Variants in TXLNB observed in about 807,000 individuals in gnomAD.
The protein encoded by TXLNB is beta-taxilin.
Under a neutral mutation model 57.4 loss-of-function variants are expected in TXLNB, and 37 were observed. The observed-to-expected ratio is 0.64, with a 90% CI of 0.50 to 0.85. The LOEUF (loss-of-function observed/expected upper bound fraction) is 0.85. TXLNB is among the 40% of genes least tolerant of loss of function. The pLI, the probability that TXLNB is intolerant of heterozygous loss-of-function variation, is 0.00. For synonymous variants in TXLNB, 302 were observed against 309.6 expected (o/e 0.98, Z 0.26); for missense variants, 848 against 825.6 (o/e 1.03, Z -0.33).
chr6:139,247,962 G>T, intron 7 of TXLNB, 53 bp from the exon 8 acceptor site: 1 of 1,065,384 alleles, frequency 9.4e-7, no homozygotes, highest in Non-Finnish European at 1.4e-6. Flanking sequence ...AAGAAAACAT[G>T]TCATTGTTCA....
chr6:139,273,876 C>T (rs1776828979), intron 3 of TXLNB, among the ~76,000 whole-genome samples: 1 of 152,178 alleles, frequency 6.6e-6, no homozygotes, highest in African/African-American at 2.4e-5. Context: ...GCATTGAAGA[C>T]AATGAAAAAT....
the TXLNB span, among the ~76,000 whole-genome samples, chr6:139,307,287 T>C: frequency 1.3e-5 from 2 of 152,192 alleles, no homozygotes; most frequent in East Asian, 3.8e-4. Context: ...GAACCTGGGC[T>C]CAAGCAATCC....
the TXLNB span, among the ~76,000 whole-genome samples, chr6:139,189,950 G>C: frequency 1.3e-5 from 2 of 152,138 alleles, no homozygotes; most frequent in African/African-American, 4.8e-5. Flanking sequence ...CCTACTATAG[G>C]GCTGTGCCCA....
At chr6:139,285,518 GT>G (rs1777152647) in intron 2 of TXLNB, among the ~76,000 whole-genome samples, 1 of 144,310 alleles carries the variant, frequency 6.9e-6, no homozygotes, top group African/African-American at 2.6e-5. Context: ...GTTTTTCCAT[GT>G]TCCAAAACAC....
chr6:139,323,556 T>C, the TXLNB span, among the ~76,000 whole-genome samples: 1 of 152,330 alleles, frequency 6.6e-6, no homozygotes, highest in Non-Finnish European at 1.5e-5. Flanking sequence ...GTGCTGGGAT[T>C]ACAGGCGTGA....
intron 9 of TXLNB, 34 bp downstream of exon 9, chr6:139,244,561 G>T: frequency 1.5e-6 from 2 of 1,356,300 alleles, no homozygotes; most frequent in Non-Finnish European, 2.1e-6. Flanking sequence ...TGACTAGACA[G>T]AGGGGATTAA....
chr6:139,172,126 C>T, the TXLNB span, among the ~76,000 whole-genome samples: 1 of 152,078 alleles, frequency 6.6e-6, no homozygotes, highest in African/African-American at 2.4e-5. Flanking sequence ...CCACTGCGCC[C>T]AGCCCTAAAC....
the TXLNB span, among the ~76,000 whole-genome samples, chr6:139,207,456 T>A: frequency 3.9e-5 from 6 of 152,260 alleles, no homozygotes; most frequent in East Asian, 9.6e-4. Flanking sequence ...ACACAACTTA[T>A]CAAAACCTCT....
At chr6:139,169,523 T>A in the TXLNB span, 5 of 152,254 alleles carry the variant, frequency 3.3e-5, no homozygotes, top group Admixed American at 1.3e-4. Flanking sequence ...ATTTTGAGAA[T>A]TGTACCTAAC....
chr6:139,296,092 C>G (rs1374697785), upstream of TXLNB, among the ~76,000 whole-genome samples: 1 of 152,180 alleles, frequency 6.6e-6, no homozygotes, highest in African/African-American at 2.4e-5. Context: ...AGCTGTGGTC[C>G]TGGCACTTCC....
At chr6:139,161,543 C>G in the TXLNB span, among the ~76,000 whole-genome samples, 1 of 152,158 alleles carries the variant, frequency 6.6e-6, no homozygotes, top group South Asian at 2.1e-4. Flanking sequence ...GCTCTTAGCT[C>G]AAGACCTGGC....
At position 139,288,818 on chromosome 6, in the gene TXLNB, T is replaced by A; in HGVS notation, c.82A>T (p.Asn28Tyr). 6.2e-7 allele frequency: 1 copy of A among 1,614,220 alleles called. No homozygotes were observed. The highest frequency in any genetic ancestry group is 8.5e-7 in the Non-Finnish European group (1 of 1,180,032). The change falls in exon 2 of 10, where the codon AAT becomes TAT. Residue 28 changes from asparagine (N) to tyrosine (Y), a missense_variant. Transcript: ENST00000358430. ...PGDSSSLPSH[N>Y]GLEKEDGQDS... ...TGGCCATCTTCCTTCTCCAGGCCAT[T>A]GTGACTGGGTAATGATGAACTGTCA...
intron 1 of TXLNB, among the ~76,000 whole-genome samples, chr6:139,289,463 G>A (rs1251527871): frequency 6.6e-6 from 1 of 152,166 alleles, no homozygotes; most frequent in Non-Finnish European, 1.5e-5. Flanking sequence ...GCTCCCGGCC[G>A]ATTAAACTGC....
chr6:139,260,219 C>CAAAT lies in TXLNB; in HGVS notation c.1002+95_1002+98dup, dbSNP rs542223338. 9,420 of 1,352,362 alleles carry CAAAT rather than the reference C, an allele frequency of 7.0e-3. 114 individuals carry two copies. Among genetic ancestry groups the CAAAT allele is most frequent in the African/African-American group, 0.05 (3,325 of 66,568 alleles). The allele number at this position is 1,352,362 out of a possible 1,614,324, so 83.8% of individuals were successfully genotyped here. A position where few individuals can be genotyped will look rare whatever the true frequency, so the allele number is the denominator to read the frequency against. ...TGAATGACAGAACGAGACTCTGTCT[C>CAAAT]AAATAAATAAATAAATAAATAAATA... On this transcript the variant is annotated intron_variant, in intron 6 of 9. Transcript: ENST00000358430.
the TXLNB span, among the ~76,000 whole-genome samples, chr6:139,307,759 A>T: frequency 2.0e-5 from 3 of 152,218 alleles, no homozygotes; most frequent in Non-Finnish European, 4.4e-5. Flanking sequence ...GGCTTTTTAA[A>T]GGCAATATTG....
intron 7 of TXLNB, among the ~76,000 whole-genome samples, chr6:139,251,011 T>C (rs2114463366): frequency 6.6e-6 from 1 of 152,360 alleles, no homozygotes; most frequent in South Asian, 2.1e-4. Flanking sequence ...GGTGTATTAA[T>C]TGGGCAGATT....
the TXLNB span, among the ~76,000 whole-genome samples, chr6:139,299,589 G>A: frequency 3.3e-5 from 5 of 152,104 alleles, no homozygotes; most frequent in African/African-American, 1.2e-4. Context: ...GGGGTCTGCA[G>A]AATCTTGGTG....
At chr6:139,314,334 G>T in the TXLNB span, among the ~76,000 whole-genome samples, 235 of 152,192 alleles carry the variant, frequency 1.5e-3, no homozygotes, top group Middle Eastern at 6.8e-3. Flanking sequence ...CTTCCACAAC[G>T]CCCTGCTTGT....
chr6:139,320,877 C>G, the TXLNB span, among the ~76,000 whole-genome samples: 5 of 152,180 alleles, frequency 3.3e-5, no homozygotes, highest in Non-Finnish European at 5.9e-5. Flanking sequence ...CCACTTTCTC[C>G]TTCTTCTTAC....
Sources: allele counts gnomAD v4.1 joint callset (sites outside exome capture counted in the v4.1 genomes callset), GRCh38; gene constraint gnomAD v4.1.1; transcripts MANE v1.5; gene names NCBI Gene and HGNC (gene_info 2026-07-23, HGNC 2026-07-21).